The following TENT5D variants were observed in gnomAD, a reference collection of about 807,000 sequenced individuals.
The protein encoded by TENT5D is cancer/testis antigen 112.
For missense variants in TENT5D, 191 were observed against 287.0 expected, an observed-to-expected ratio of 0.67 and a Z score of 2.42; for synonymous variants, 103 against 100.6, an observed-to-expected ratio of 1.02 and a Z score of -0.15.
chrX:80,411,818 A>G (rs1366329289), intron 3 of TENT5D, among the ~76,000 whole-genome samples: 2 of 112,213 alleles, frequency 1.8e-5, no homozygotes, highest in African/African-American at 6.5e-5. Flanking sequence ...ATTAATTATT[A>G]ATTGGCTTTG....
At chrX:80,351,919 C>T (rs1930185561) in intron 3 of TENT5D, among the ~76,000 whole-genome samples, 6 of 112,208 alleles carry the variant, frequency 5.3e-5, no homozygotes, top group Admixed American at 1.9e-4. Context: ...TGCAGCTCTG[C>T]TGCAGTTTGC....
intron 3 of TENT5D, among the ~76,000 whole-genome samples, chrX:80,391,537 C>A (rs924691450): frequency 3.6e-5 from 4 of 111,827 alleles, no homozygotes; most frequent in Non-Finnish European, 5.6e-5. Context: ...TCTTAAAATT[C>A]TGGACATCTT....
At chrX:80,391,313 T>C (rs935491467) in intron 3 of TENT5D, among the ~76,000 whole-genome samples, 2 of 111,454 alleles carry the variant, frequency 1.8e-5, no homozygotes, top group Non-Finnish European at 3.8e-5. Context: ...GGAGGTGAGG[T>C]TAATATAATT....
intron 3 of TENT5D, among the ~76,000 whole-genome samples, chrX:80,350,601 C>T (rs1473507596): frequency 9.0e-6 from 1 of 111,076 alleles, no homozygotes; most frequent in African/African-American, 3.3e-5. Flanking sequence ...TCTCTTTATC[C>T]AATTTGGCAG....
At chrX:80,341,804 C>T (rs1261131426) in intron 2 of TENT5D, among the ~76,000 whole-genome samples, 2 of 104,466 alleles carry the variant, frequency 1.9e-5, no homozygotes, top group Admixed American at 1.0e-4. Flanking sequence ...CTCCGCCTCC[C>T]GGGTTCACGC....
intron 3 of TENT5D, among the ~76,000 whole-genome samples, chrX:80,396,803 G>A (rs1484350260): frequency 3.0e-5 from 3 of 100,938 alleles, no homozygotes; most frequent in Non-Finnish European, 6.1e-5. Flanking sequence ...CCTCCCAGAC[G>A]GGGTGGTGGC....
chrX:80,368,625 C>T (rs557445919), intron 3 of TENT5D, among the ~76,000 whole-genome samples: 1 of 111,986 alleles, frequency 8.9e-6, no homozygotes, highest in Non-Finnish European at 1.9e-5. Context: ...GATTATCTTC[C>T]ACCAACTGAT....
At chrX:80,340,672 CTG>C (rs1246857945) in intron 2 of TENT5D, among the ~76,000 whole-genome samples, 1 of 111,358 alleles carries the variant, frequency 9.0e-6, no homozygotes, top group East Asian at 2.8e-4. Flanking sequence ...ACATTTCGGT[CTG>C]TACAATGTTT....
intron 3 of TENT5D, among the ~76,000 whole-genome samples, chrX:80,350,049 G>A (rs888875987): frequency 9.0e-6 from 1 of 111,376 alleles, no homozygotes; most frequent in Non-Finnish European, 1.9e-5. Flanking sequence ...CATTTGCTGA[G>A]GAGTGTTTTA....
At chrX:80,436,930 T>G (rs1932194883) in intron 1 of TENT5D, among the ~76,000 whole-genome samples, 1 of 111,927 alleles carries the variant, frequency 8.9e-6, no homozygotes, top group African/African-American at 3.2e-5. Context: ...CTTGCTTTCC[T>G]TTTTACTGCT....
chrX:80,339,721 A>G (rs1307943739), intron 2 of TENT5D, among the ~76,000 whole-genome samples: 3 of 110,674 alleles, frequency 2.7e-5, no homozygotes, highest in African/African-American at 9.8e-5. Flanking sequence ...AATGAATAGA[A>G]TAAAATGAAA....
chrX:80,417,440 GTTT>G (rs57010295), upstream of TENT5D, among the ~76,000 whole-genome samples: 1 of 92,697 alleles, frequency 1.1e-5, no homozygotes, highest in Admixed American at 1.2e-4. Context: ...GCTGGTAATA[GTTT>G]TTTTTTTTTT....
intron 3 of TENT5D, among the ~76,000 whole-genome samples, chrX:80,353,035 C>A (rs997915293): frequency 8.9e-6 from 1 of 111,935 alleles, no homozygotes; most frequent in African/African-American, 3.2e-5. Flanking sequence ...ATGAGATGAA[C>A]AGGCTACCTC....
rs768296665 is a variant in TENT5D at position 80,443,653 on chromosome X, G to A, written c.1114G>A (p.Val372Ile). ...TTATGTAATACCTGAGCCACCCCCC[G>A]TTAGCTTCCAGCCATACCACCCACT... The change falls in exon 3 of 3, where the codon GTT (valine) becomes ATT (isoleucine). Residue 372 changes from valine to isoleucine, a missense_variant. Val to Ile is a conservative substitution (Grantham distance 29). Coordinates refer to ENST00000308293, the Ensembl canonical transcript of TENT5D. 4.4e-5 allele frequency: 53 copies of A among 1,204,365 alleles called. No individual in the cohort carries two copies. In the South Asian group the frequency reaches 5.7e-4, roughly 13 times the overall value.
chrX:80,405,324 G>A (rs187539244), intron 3 of TENT5D, among the ~76,000 whole-genome samples: 8 of 112,682 alleles, frequency 7.1e-5, no homozygotes, highest in African/African-American at 2.6e-4. Context: ...GGTGATTTCT[G>A]CATTTCCATC....
intron 3 of TENT5D, among the ~76,000 whole-genome samples, chrX:80,410,053 A>G (rs1931611995): frequency 1.9e-5 from 2 of 104,172 alleles, no homozygotes; most frequent in Admixed American, 2.1e-4. Context: ...TAGAAAGCTG[A>G]AACTGGATCC....
intron 3 of TENT5D, among the ~76,000 whole-genome samples, chrX:80,388,198 C>T (rs1445365588): frequency 9.0e-6 from 1 of 110,831 alleles, no homozygotes; most frequent in Non-Finnish European, 1.9e-5. Flanking sequence ...AATCAGGGAC[C>T]CAAAGAGCCT....
At chrX:80,335,610 C>A (rs1473385973) in intron 1 of TENT5D, 1 of 112,077 alleles carries the variant, frequency 8.9e-6, no homozygotes, top group African/African-American at 3.2e-5. Context: ...TTGTCCTACT[C>A]CAAAGTCTTC....
At chrX:80,433,766 T>G (rs944054235) in intron 1 of TENT5D, among the ~76,000 whole-genome samples, 14 of 111,792 alleles carry the variant, frequency 1.3e-4, no homozygotes, top group African/African-American at 4.2e-4. Flanking sequence ...AAGAAGTTAT[T>G]TCCCTATACA....
Sources: gnomAD v4.1 joint callset for allele counts (sites outside exome capture counted in the v4.1 genomes callset) on GRCh38, gnomAD v4.1.1 for gene constraint, MANE v1.5 for transcripts, NCBI Gene and HGNC (gene_info 2026-07-23, HGNC 2026-07-21) for gene names.